GPC5: variants seen among roughly 807,000 people sequenced by gnomAD.
GPC5 encodes the protein glypican-5.
A neutral mutation model predicts 53.9 loss-of-function variants in GPC5; 47 were observed. That is an observed-to-expected ratio of 0.87 (90% CI 0.69 to 1.11). The LOEUF (loss-of-function observed/expected upper bound fraction) is 1.11. GPC5 is among the 50% of genes most tolerant of loss of function. GPC5 has a pLI of 0.00. For missense variants in GPC5, 748 were observed against 713.1 expected (o/e 1.05, Z -0.56); for synonymous variants, 286 against 263.3 (o/e 1.09, Z -0.84).
At position 91,628,480 on chromosome 13, in the gene GPC5, A is replaced by ACCTGTCTG. The variant is rs1555331793; in HGVS notation, c.326-64707_326-64706insCCTGTCTG. ...CCGTAGCTACCTATCATTTGTATCT[A>ACCTGTCTG]TCTGTCTGTCTGTCTGTCTGTCTAT... On this transcript the variant is annotated intron_variant, in intron 2 of 7. Transcript: ENST00000377067. Among the ~76,000 whole-genome samples, 15 of 149,178 alleles carry ACCTGTCTG rather than the reference A, an allele frequency of 1.0e-4. No homozygotes were observed. In the East Asian group the frequency reaches 1.0e-3, roughly 10 times the overall value.
intron 2 of GPC5, among the ~76,000 whole-genome samples, chr13:91,504,910 GTCACTGCAC>G (rs1363848917): frequency 6.6e-6 from 1 of 152,122 alleles, no homozygotes; most frequent in African/African-American, 2.4e-5. Flanking sequence ...CTATGACTTT[GTCACTGCAC>G]TCCAGATTGG....
At chr13:92,860,525 T>C (rs760836349) in intron 7 of GPC5, among the ~76,000 whole-genome samples, 5 of 152,186 alleles carry the variant, frequency 3.3e-5, no homozygotes, top group Non-Finnish European at 5.9e-5. Context: ...TAGCTCCTCA[T>C]ACTTTCTTTA....
At position 91,541,865 on chromosome 13, in the gene GPC5, T is replaced by A. The variant is rs1054221983; in HGVS notation, c.325+92943T>A. On this transcript the variant is annotated intron_variant, in intron 2 of 7. Coordinates refer to ENST00000377067, the MANE Select transcript of GPC5 (RefSeq NM_004466.6). ...TGATCATTCTTATTTCTGACTTTAA[T>A]AAGATTCCAGGCTTTTACTGTTTTT... Among the ~76,000 whole-genome samples the A allele has an allele frequency of 2.0e-5, 3 of 151,762 alleles. No homozygotes were observed. In the South Asian group the frequency reaches 6.2e-4, roughly 31 times the overall value.
intron 7 of GPC5, among the ~76,000 whole-genome samples, chr13:92,331,042 T>C (rs942939289): frequency 2.6e-5 from 4 of 152,190 alleles, no homozygotes; most frequent in African/African-American, 9.6e-5. Context: ...AAATTCATCT[T>C]AGGGAATTTA....
At chr13:91,434,396 A>G (rs1050354154) in intron 1 of GPC5, among the ~76,000 whole-genome samples, 3 of 152,122 alleles carry the variant, frequency 2.0e-5, no homozygotes, top group Non-Finnish European at 2.9e-5. Context: ...TAAGGAAGGG[A>G]TCCAGTTTCA....
chr13:91,867,569 A>C (rs917438970), intron 5 of GPC5, among the ~76,000 whole-genome samples: 1 of 152,228 alleles, frequency 6.6e-6, no homozygotes, highest in South Asian at 2.1e-4. Flanking sequence ...TAAAGTGTAA[A>C]GTGTGGTTTT....
intron 7 of GPC5, among the ~76,000 whole-genome samples, chr13:92,274,517 A>T (rs1467368621): frequency 6.6e-6 from 1 of 152,024 alleles, no homozygotes; most frequent in Non-Finnish European, 1.5e-5. Context: ...CATTCTCTGG[A>T]TTTGTGTCCC....
At chr13:91,567,139 T>A (rs1231339897) in intron 2 of GPC5, among the ~76,000 whole-genome samples, 1 of 152,084 alleles carries the variant, frequency 6.6e-6, no homozygotes, top group Admixed American at 6.6e-5. Flanking sequence ...AGCATGTGAC[T>A]CCATTTCTAC....
At chr13:92,066,047 G>A (rs1237128890) in intron 6 of GPC5, among the ~76,000 whole-genome samples, 5 of 152,032 alleles carry the variant, frequency 3.3e-5, no homozygotes, top group Admixed American at 6.6e-5. Flanking sequence ...TAGAAAATCT[G>A]TTTTAACAGC....
At chr13:91,514,170 A>G (rs749840133) in intron 2 of GPC5, among the ~76,000 whole-genome samples, 1 of 152,216 alleles carries the variant, frequency 6.6e-6, no homozygotes, top group Non-Finnish European at 1.5e-5. Context: ...TCCCAAGAGG[A>G]AAATTGTTGG....
chr13:91,510,429 G>C (rs746517361), intron 2 of GPC5, among the ~76,000 whole-genome samples: 7 of 152,150 alleles, frequency 4.6e-5, no homozygotes, highest in Non-Finnish European at 1.0e-4. Context: ...TAACCATGCT[G>C]TCTGGTTCCA....
intron 5 of GPC5, among the ~76,000 whole-genome samples, chr13:91,883,228 T>C (rs1445548745): frequency 6.6e-6 from 1 of 152,124 alleles, no homozygotes; most frequent in Non-Finnish European, 1.5e-5. Context: ...GTAAACTTCT[T>C]ATATGGTTGC....
At chr13:91,436,504 A>G (rs1341717575) in intron 1 of GPC5, among the ~76,000 whole-genome samples, 1 of 152,030 alleles carries the variant, frequency 6.6e-6, no homozygotes, top group African/African-American at 2.4e-5. Flanking sequence ...GTTTTGAGGG[A>G]GTTTCTTAAT....
chr13:92,754,663 AG>A (rs1458291777), intron 7 of GPC5, among the ~76,000 whole-genome samples: 1 of 151,706 alleles, frequency 6.6e-6, no homozygotes, highest in Non-Finnish European at 1.5e-5. Flanking sequence ...AAACAAAAAA[AG>A]GCAGGGGTTG....
chr13:92,398,528 C>T (rs1011788892), intron 7 of GPC5, among the ~76,000 whole-genome samples: 2 of 151,742 alleles, frequency 1.3e-5, no homozygotes, highest in African/African-American at 4.8e-5. Flanking sequence ...ATCTCCCAAT[C>T]CCTTCCTCCC....
chr13:92,485,109 G>C (rs1188839113), intron 7 of GPC5, among the ~76,000 whole-genome samples: 1 of 152,176 alleles, frequency 6.6e-6, no homozygotes, highest in Non-Finnish European at 1.5e-5. Flanking sequence ...TTAAAGGTTA[G>C]AGGGATGAAA....
intron 7 of GPC5, among the ~76,000 whole-genome samples, chr13:92,663,548 C>T (rs1373547816): frequency 1.4e-5 from 2 of 144,690 alleles, no homozygotes; most frequent in Non-Finnish European, 3.0e-5. Context: ...ACCAGCCTGT[C>T]CAATATGGTG....
At chr13:92,683,865 T>G (rs1051085921) in intron 7 of GPC5, among the ~76,000 whole-genome samples, 2 of 152,216 alleles carry the variant, frequency 1.3e-5, no homozygotes, top group Non-Finnish European at 2.9e-5. Context: ...ATTTTTAACA[T>G]TAGTATGTTA....
At chr13:92,192,539 T>C (rs1232843382) in intron 7 of GPC5, among the ~76,000 whole-genome samples, 1 of 152,216 alleles carries the variant, frequency 6.6e-6, no homozygotes, top group East Asian at 1.9e-4. Flanking sequence ...TTCTAAATTG[T>C]CTTAAAATTA....
Sources: gnomAD v4.1 joint callset for allele counts (sites outside exome capture counted in the v4.1 genomes callset) on GRCh38, gnomAD v4.1.1 for gene constraint, MANE v1.5 for transcripts, NCBI Gene and HGNC (gene_info 2026-07-23, HGNC 2026-07-21) for gene names.